PTK2: variants seen among roughly 807,000 people sequenced by gnomAD.
PTK2 encodes the protein focal adhesion kinase 1.
Under a neutral mutation model 150.1 loss-of-function variants are expected in PTK2, and 45 were observed. The observed-to-expected ratio is 0.30, with a 90% confidence interval of 0.24 to 0.38. The LOEUF (loss-of-function observed/expected upper bound fraction) is 0.38. Among genes scored for constraint, PTK2 ranks in the 10% least tolerant of loss-of-function variants. The probability of loss-of-function intolerance (pLI) is 1.00; values close to 1 mark genes in which losing one functional copy is unlikely to be tolerated. For synonymous variants in PTK2, 432 were observed against 449.2 expected (o/e 0.96, Z 0.48); for missense variants, 919 against 1,307.3 (o/e 0.70, Z 4.58).
intron 1 of PTK2, among the ~76,000 whole-genome samples, chr8:140,930,800 G>A (rs2154608525): frequency 6.6e-6 from 1 of 152,264 alleles, no homozygotes; most frequent in South Asian, 2.1e-4. Context: ...CAGGCCAGGA[G>A]CAGTGACTCA....
chr8:140,879,968 C>T (rs2100148264), intron 3 of PTK2, among the ~76,000 whole-genome samples: 1 of 152,140 alleles, frequency 6.6e-6, no homozygotes, highest in African/African-American at 2.4e-5. Flanking sequence ...CATCACCCCC[C>T]AACCTGTCAA....
chr8:140,767,274 G>A (rs994117403), intron 14 of PTK2, among the ~76,000 whole-genome samples: 3 of 141,382 alleles, frequency 2.1e-5, no homozygotes, highest in Non-Finnish European at 4.6e-5. Context: ...TTTTTTTTTA[G>A]CTGGATGAAT....
At chr8:140,851,615 T>C (rs578088174) in intron 5 of PTK2, among the ~76,000 whole-genome samples, 1 of 152,180 alleles carries the variant, frequency 6.6e-6, no homozygotes, top group South Asian at 2.1e-4. Context: ...TCCCAGTACT[T>C]TGGGAGGCCA....
At chr8:140,713,210 G>A (rs1488159152) in intron 23 of PTK2, among the ~76,000 whole-genome samples, 1 of 152,182 alleles carries the variant, frequency 6.6e-6, no homozygotes, top group Non-Finnish European at 1.5e-5. Context: ...TCATCCCACT[G>A]CCCTGATTTG....
chr8:140,719,465 G>T (rs1416472794), intron 22 of PTK2, among the ~76,000 whole-genome samples: 1 of 152,044 alleles, frequency 6.6e-6, no homozygotes, highest in African/African-American at 2.4e-5. Context: ...TCTGGGGAAG[G>T]AGCAGAGGGG....
At chr8:140,817,394 T>G (rs2100105389) in intron 10 of PTK2, among the ~76,000 whole-genome samples, 1 of 152,138 alleles carries the variant, frequency 6.6e-6, no homozygotes, top group Non-Finnish European at 1.5e-5. Context: ...GGAAATTATA[T>G]GTACAGGTCA....
chr8:140,844,198 CT>C (rs1439717118), intron 7 of PTK2, among the ~76,000 whole-genome samples: 1 of 152,178 alleles, frequency 6.6e-6, no homozygotes, highest in African/African-American at 2.4e-5. Context: ...ATCAACATGA[CT>C]GATCACTGGT....
rs982663781 is a variant in PTK2 at position 140,738,935 on chromosome 8, A to G, written c.1825+83T>C. Reference sequence around the variant, plus strand: ...GGTTAGGGAAGGCAAATCAACCTACATATTCCAAAAAGAGATAATTTTTTT... The same window carrying G: ...GGTTAGGGAAGGCAAATCAACCTACGTATTCCAAAAAGAGATAATTTTTTT... On this transcript the variant is annotated intron_variant, in intron 21 of 31. Coordinates refer to ENST00000522684, the Ensembl canonical transcript of PTK2. The G allele has an allele frequency of 1.1e-5, 10 of 950,418 alleles. No homozygotes were observed. The African/African-American group carries it at 1.4e-4, about 13-fold the overall frequency. 58.9% of individuals were successfully genotyped at this position (950,418 alleles called of 1,614,324 possible).
chr8:140,770,849 C>A, intron 14 of PTK2, 50 bp from the exon 15 acceptor site: 1 of 965,038 alleles, frequency 1.0e-6, no homozygotes, highest in African/African-American at 1.7e-5. Flanking sequence ...CAAATTATTT[C>A]AATACAAAAG....
chr8:140,805,399 A>G (rs1337500465), intron 10 of PTK2, among the ~76,000 whole-genome samples: 1 of 151,990 alleles, frequency 6.6e-6, no homozygotes, highest in Non-Finnish European at 1.5e-5. Flanking sequence ...TCACTACTAA[A>G]AATACAAAAA....
chr8:140,875,430 T>C (rs192260729), intron 4 of PTK2, among the ~76,000 whole-genome samples: 1 of 152,120 alleles, frequency 6.6e-6, no homozygotes, highest in African/African-American at 2.4e-5. Flanking sequence ...AAGAATTTAA[T>C]GGAAGGAAAA....
intron 14 of PTK2, chr8:140,771,146 TG>T (rs1424043184): frequency 1.9e-5 from 3 of 155,344 alleles, no homozygotes; most frequent in Admixed American, 1.3e-4. Flanking sequence ...AAGACTCTTG[TG>T]AACATTTAAC....
intron 7 of PTK2, among the ~76,000 whole-genome samples, chr8:140,834,664 G>T (rs1321615110): frequency 6.6e-6 from 1 of 152,130 alleles, no homozygotes; most frequent in Non-Finnish European, 1.5e-5. Flanking sequence ...TTTCTTAAGT[G>T]AGATAATTAC....
In PTK2 at chr8:140,712,690, G is replaced by T. The variant is rs376048729; in HGVS notation, c.2142+4908C>A. On this transcript the variant is annotated intron_variant, in intron 23 of 31. Transcript: ENST00000522684. The stretch of plus-strand genomic sequence containing the variant: ...ACTGAGCTATAGAGATCCTCCCAAT[G>T]TTAACACATTTCAGTAAACAACATA... 5.3e-5 allele frequency among the ~76,000 whole-genome samples: 8 copies of T among 152,178 alleles called. No homozygotes were observed. The East Asian group carries it at 9.6e-4, about 18-fold the overall frequency.
intron 26 of PTK2, among the ~76,000 whole-genome samples, chr8:140,697,136 GGAAAAAAAAAAAA>G (rs1395400836): frequency 9.2e-5 from 4 of 43,328 alleles, no homozygotes; most frequent in African/African-American, 2.7e-4. Flanking sequence ...CCTGTTTCCG[GGAAAAAAAAAAAA>G]AAAAAAAAAA....
At chr8:140,754,472 G>C (rs1441513744) in intron 16 of PTK2, among the ~76,000 whole-genome samples, 1 of 152,140 alleles carries the variant, frequency 6.6e-6, no homozygotes, top group Non-Finnish European at 1.5e-5. Context: ...CGAGAAAACT[G>C]TATGGCTGGT....
chr8:140,796,894 A>T (rs1394525015), intron 12 of PTK2, among the ~76,000 whole-genome samples: 1 of 152,210 alleles, frequency 6.6e-6, no homozygotes, highest in Non-Finnish European at 1.5e-5. Context: ...ACACATTTAC[A>T]TGTAGGTTTT....
At chr8:140,995,707 G>A (rs545709799) in intron 1 of PTK2, among the ~76,000 whole-genome samples, 1 of 152,088 alleles carries the variant, frequency 6.6e-6, no homozygotes, top group Admixed American at 6.6e-5. Flanking sequence ...TACTCAGGAG[G>A]CAGAAGGTTT....
At chr8:140,856,443 C>T (rs960831443) in intron 5 of PTK2, among the ~76,000 whole-genome samples, 10 of 152,086 alleles carry the variant, frequency 6.6e-5, no homozygotes, top group South Asian at 2.1e-4. Flanking sequence ...AAATACACTA[C>T]GATATATTTA....
Sources: allele counts gnomAD v4.1 joint callset (sites outside exome capture counted in the v4.1 genomes callset), GRCh38; gene constraint gnomAD v4.1.1; transcripts MANE v1.5; gene names NCBI Gene and HGNC (gene_info 2026-07-23, HGNC 2026-07-21).